Variants in ADGRF5 observed in about 807,000 individuals in gnomAD.
The protein encoded by ADGRF5 is G-protein coupled receptor 116.
Under a neutral mutation model 132.3 loss-of-function variants are expected in ADGRF5, and 75 were observed. The ratio of observed to expected loss-of-function variants is 0.57; its 90% CI spans 0.47 to 0.69. The LOEUF (loss-of-function observed/expected upper bound fraction) is 0.69, where lower values mean the gene tolerates loss of function less well. Ranked by LOEUF, ADGRF5 falls within the 30% of genes least tolerant of loss-of-function variation. The pLI is 0.00. For synonymous variants in ADGRF5, 629 were observed against 597.6 expected, an observed-to-expected ratio of 1.05 and a Z score of -0.77; for missense variants, 1,516 against 1,630.6, an observed-to-expected ratio of 0.93 and a Z score of 1.21.
chr6:46,926,699 A>G (rs894692110), upstream of ADGRF5, among the ~76,000 whole-genome samples: 2 of 152,084 alleles, frequency 1.3e-5, no homozygotes, highest in African/African-American at 2.4e-5. Flanking sequence ...CGTCACCCAC[A>G]TGCCTCAGCT....
chr6:46,907,147 G>A (rs1775469856), intron 1 of ADGRF5, among the ~76,000 whole-genome samples: 1 of 152,156 alleles, frequency 6.6e-6, no homozygotes, highest in Admixed American at 6.5e-5. Flanking sequence ...CTATCATAGA[G>A]TATCTTTCCA....
chr6:46,916,472 A>G (rs1222627726), intron 1 of ADGRF5, among the ~76,000 whole-genome samples: 1 of 152,168 alleles, frequency 6.6e-6, no homozygotes, highest in Non-Finnish European at 1.5e-5. Flanking sequence ...CCGGGTACTA[A>G]GTCCTGTTAC....
At chr6:46,906,035 A>G (rs1433314059) in intron 2 of ADGRF5, among the ~76,000 whole-genome samples, 2 of 152,194 alleles carry the variant, frequency 1.3e-5, no homozygotes, top group South Asian at 2.1e-4. Flanking sequence ...GGGAGAAGCT[A>G]AGTAAGGAAT....
chr6:46,900,306 C>T (rs1036116894), intron 2 of ADGRF5, among the ~76,000 whole-genome samples: 6 of 151,974 alleles, frequency 3.9e-5, no homozygotes, highest in African/African-American at 1.5e-4. Context: ...TTTTTTTAGA[C>T]CAGCCTCTAG....
At chr6:46,873,116 A>T (rs542257655) in intron 10 of ADGRF5, among the ~76,000 whole-genome samples, 43 of 152,058 alleles carry the variant, frequency 2.8e-4, no homozygotes, top group African/African-American at 8.4e-4. Context: ...CTTCCAGGAC[A>T]TCCCTTCATC....
chr6:46,901,125 G>A (rs1301089448), intron 2 of ADGRF5, among the ~76,000 whole-genome samples: 2 of 152,192 alleles, frequency 1.3e-5, no homozygotes. Flanking sequence ...GCCACCTGGT[G>A]CATTTCTGTG....
At chr6:46,887,202 T>C (rs1773148529) in intron 4 of ADGRF5, among the ~76,000 whole-genome samples, 2 of 152,238 alleles carry the variant, frequency 1.3e-5, no homozygotes, top group African/African-American at 4.8e-5. Context: ...ATTCACTTAC[T>C]AGCACCTACA....
At chr6:46,854,794 A>G (rs1437661011) in intron 20 of ADGRF5, 3 of 1,284,204 alleles carry the variant, frequency 2.3e-6, no homozygotes, top group Non-Finnish European at 3.0e-6. Context: ...GACAACATAA[A>G]CCAAAGTTAC....
At position 46,948,869 on chromosome 6, in the gene ADGRF5, G is replaced by T. The variant is rs141131219; in HGVS notation, c.-25+5865C>A. ...CAGGTTCCAGATTTTACTCTAGGCG[G>T]GGTTAACATGAGCCTCTACTCAGGC... is the stretch of plus-strand genomic sequence containing the variant. On this transcript the variant is annotated intron_variant, in intron 1 of 20. Transcript: ENST00000265417. Among the ~76,000 whole-genome samples, 8 of 152,272 alleles carry T rather than the reference G, an allele frequency of 5.3e-5. No homozygotes were observed. The East Asian group carries it at 1.4e-3, about 26-fold the overall frequency.
At chr6:46,872,726 A>C (rs1184667260) in intron 10 of ADGRF5, among the ~76,000 whole-genome samples, 1 of 152,050 alleles carries the variant, frequency 6.6e-6, no homozygotes, top group Non-Finnish European at 1.5e-5. Flanking sequence ...CGGGTTCTAC[A>C]ACACCCTGTG....
At chr6:46,952,580 C>T (rs1778538752) in intron 1 of ADGRF5, among the ~76,000 whole-genome samples, 1 of 152,214 alleles carries the variant, frequency 6.6e-6, no homozygotes, top group Admixed American at 6.5e-5. Flanking sequence ...AATCCAGCAA[C>T]ATTTCAGAAA....
chr6:46,909,940 C>T (rs1164081696), intron 1 of ADGRF5, among the ~76,000 whole-genome samples: 3 of 151,742 alleles, frequency 2.0e-5, no homozygotes, highest in East Asian at 1.9e-4. Context: ...CCCTGGAGTT[C>T]GAGGCTGCAG....
Position 46,858,747 on chromosome 6 carries a change from G to A in ADGRF5, c.3156C>T (p.Thr1052=). The change falls in exon 17 of 21, where the codon ACC becomes ACT. Residue 1052 remains threonine, a synonymous_variant. Coordinates refer to ENST00000283296, the MANE Select transcript of ADGRF5 (RefSeq NM_001098518.2). Reference sequence around the variant, plus strand: ...GGGAGGCAGCGATATTCACTATGCAGGTGTGGCGCATATAAGAAGTCCGGT... The same window carrying A: ...GGGAGGCAGCGATATTCACTATGCAAGTGTGGCGCATATAAGAAGTCCGGT... ...TKNRTSYMRH[T]CIVNIAASLL... is the part of the protein sequence containing the mutation. The A allele has an allele frequency of 6.2e-7, 1 of 1,614,144 alleles. No homozygotes were observed. The highest frequency in any genetic ancestry group is 8.5e-7 in the Non-Finnish European group (1 of 1,180,028).
chr6:46,928,473 T>C (rs1308635481), intron 1 of ADGRF5, among the ~76,000 whole-genome samples: 1 of 152,152 alleles, frequency 6.6e-6, no homozygotes, highest in Admixed American at 6.5e-5. Context: ...TATTGGGATA[T>C]TCTGACCACC....
intron 1 of ADGRF5, among the ~76,000 whole-genome samples, chr6:46,927,245 A>C (rs1777297202): frequency 6.8e-6 from 1 of 146,160 alleles, no homozygotes; most frequent in Non-Finnish European, 1.5e-5. Flanking sequence ...TGTACTGAAG[A>C]GTCATCCATG....
chr6:46,899,656 GTTT>G (rs35489911), intron 3 of ADGRF5, among the ~76,000 whole-genome samples: 6 of 121,974 alleles, frequency 4.9e-5, no homozygotes, highest in Admixed American at 3.2e-4. Context: ...AGTAAAAGAA[GTTT>G]TTTTTTTTGT....
rs67565937 is a variant in ADGRF5, at chr6:46,862,703, C to CTTT, written c.2199+182_2199+184dup. 6.8e-4 allele frequency among the ~76,000 whole-genome samples: 18 copies of CTTT among 26,510 alleles called. 3 individuals are homozygous for CTTT. Among genetic ancestry groups the CTTT allele is most frequent in the African/African-American group, 2.5e-3 (15 of 6,088 alleles). The allele number at this position is 26,510 out of a possible 152,430, so 17.4% of individuals were successfully genotyped here. The stretch of plus-strand genomic sequence containing the variant: ...AGTTGTCTTAGTATTTGAATTGAGG[C>CTTT]TTTTTTTTTTTTTTTTTTTTTTTTT... On this transcript the variant is annotated intron_variant, in intron 15 of 20. Transcript: ENST00000283296.
chr6:46,893,953 C>G (rs1372560105), intron 3 of ADGRF5, among the ~76,000 whole-genome samples: 2 of 152,200 alleles, frequency 1.3e-5, no homozygotes, highest in Non-Finnish European at 2.9e-5. Context: ...GTCTTAATCA[C>G]AGCTGTTTAA....
chr6:46,871,994 T>C lies in ADGRF5; in HGVS notation c.1260A>G (p.Ile420Met). Reference protein sequence around the residue: ...INIPGTPETDIDSSCSRYTLK... With the variant: ...INIPGTPETDMDSSCSRYTLK... The stretch of plus-strand genomic sequence containing the variant: ...GGGTGTATCTGCTGCAGCTAGAATC[T>C]ATGTCTGTCTCAGGGGTTCCTATAA... The change falls in exon 11 of 21, where the codon ATA (isoleucine) becomes ATG (methionine). Residue 420 changes from isoleucine to methionine, a missense_variant. By Grantham distance (10) the Ile-to-Met change is conservative (BLOSUM62 1). This residue lies in a region of ADGRF5 where 945 missense variants were observed against 929.4 expected (regional missense o/e 1.02). Coordinates refer to ENST00000283296, the MANE Select transcript of ADGRF5 (RefSeq NM_001098518.2). The C allele has an allele frequency of 1.2e-6, 2 of 1,607,214 alleles. No homozygotes were observed. Among genetic ancestry groups the C allele is most frequent in the Non-Finnish European group, 1.7e-6 (2 of 1,175,046 alleles).
Sources: gnomAD v4.1 joint callset for allele counts (sites outside exome capture counted in the v4.1 genomes callset) on GRCh38, gnomAD v4.1.1 for gene constraint, gnomAD v4.1.1 regional missense constraint, MANE v1.5 for transcripts, NCBI Gene and HGNC (gene_info 2026-07-23, HGNC 2026-07-21) for gene names.